The following PHLPP2 variants were observed in gnomAD, a reference collection of about 807,000 sequenced individuals.
PHLPP2 encodes PH domain and leucine rich repeat protein phosphatase 2.
PHLPP2 carries 66 observed loss-of-function variants against 124.9 expected under a neutral mutation model. The observed-to-expected ratio is 0.53, with a 90% CI of 0.43 to 0.65. The LOEUF is 0.65. Among genes scored for constraint, PHLPP2 ranks in the 30% least tolerant of loss-of-function variants. PHLPP2 has a pLI of 0.00. For synonymous variants in PHLPP2, 681 were observed against 624.7 expected, an observed-to-expected ratio of 1.09 and a Z score of -1.34; for missense variants, 1,685 against 1,600.4, an observed-to-expected ratio of 1.05 and a Z score of -0.90.
At position 71,649,099 on chromosome 16, in the gene PHLPP2, T is replaced by C. The variant is rs775971790; in HGVS notation, c.3763A>G (p.Ile1255Val). 1 of 1,614,118 alleles carries C rather than the reference T, an allele frequency of 6.2e-7. No individual in the cohort carries two copies. Among genetic ancestry groups the C allele is most frequent in the Non-Finnish European group, 8.5e-7 (1 of 1,179,988 alleles). The change falls in exon 19 of 19, where the codon ATT becomes GTT. Residue 1255 changes from isoleucine to valine, a missense_variant. Transcript: ENST00000568954. ...IVPLEDSLNL[I>V]EVATEVPKRK... ...TTGGGCACTTCTGTGGCCACTTCAA[T>C]GAGGTTCAGGCTGTCCTCTAGGGGC... is the stretch of plus-strand genomic sequence containing the variant.
rs2044662189 is a variant in PHLPP2, at chr16:71,647,565, CAG to C, written c.*1323_*1324del. 6.6e-6 allele frequency: 1 copy of C among 152,274 alleles called. No homozygotes were observed. The highest frequency in any genetic ancestry group is 1.5e-5 in the Non-Finnish European group (1 of 68,084). 9.4% of individuals were successfully genotyped at this position (152,274 alleles called of 1,614,324 possible). On this transcript the variant is annotated 3_prime_UTR_variant, in exon 19 of 19. Transcript: ENST00000568954. ...TGTTCTCATTGGCCTCAGTCCGTTTCAGAGTCATCTGCCATAACTTAAGGTCA... is the reference window on the plus strand; with the variant it reads ...TGTTCTCATTGGCCTCAGTCCGTTTCAGTCATCTGCCATAACTTAAGGTCA...
Position 71,669,466 on chromosome 16 carries a change from C to T in PHLPP2, c.1533-96G>A, listed in dbSNP as rs557482897. 3 of 858,960 alleles carry T rather than the reference C, an allele frequency of 3.5e-6. No individual in the cohort carries two copies. In the South Asian group the frequency reaches 4.5e-5, roughly 13 times the overall value. 53.2% of individuals were successfully genotyped at this position (858,960 alleles called of 1,614,324 possible). On this transcript the variant is annotated intron_variant, in intron 10 of 18. Transcript: ENST00000568954. ...GTATCCATTAACCAGCCTGTGAGCC[C>T]TTGAGGGCAGGAACACTGTCTCCAA... is the stretch of plus-strand genomic sequence containing the variant.
At chr16:71,674,839 A>C (rs556906587) in intron 9 of PHLPP2, among the ~76,000 whole-genome samples, 3 of 152,172 alleles carry the variant, frequency 2.0e-5, no homozygotes, top group Non-Finnish European at 4.4e-5. Context: ...TCTACTAAAA[A>C]TACAAAAATT....
In PHLPP2 at chr16:71,654,219, A is replaced by AC. The variant is rs1187577298; in HGVS notation, c.2585+1020_2585+1021insG. 4.0e-5 allele frequency among the ~76,000 whole-genome samples: 6 copies of AC among 150,424 alleles called. No homozygotes were observed. In the East Asian group the frequency reaches 7.8e-4, roughly 19 times the overall value. On this transcript the variant is annotated intron_variant, in intron 17 of 18. Transcript: ENST00000568954. Reference sequence around the variant, plus strand: ...TCTCAAAAAAGAAAAAAAAAAAAAAAAAAAAAAAACTAGTTCAAGCTCCAA... The same window carrying AC: ...TCTCAAAAAAGAAAAAAAAAAAAAAACAAAAAAAAACTAGTTCAAGCTCCAA...
intron 12 of PHLPP2, among the ~76,000 whole-genome samples, chr16:71,666,445 C>A (rs1203007801): frequency 6.6e-6 from 1 of 152,058 alleles, no homozygotes; most frequent in Non-Finnish European, 1.5e-5. Context: ...CCCAGGAGGT[C>A]AAGGCTGCAG....
chr16:71,685,133 C>A (rs1014620432), intron 4 of PHLPP2, among the ~76,000 whole-genome samples: 2 of 152,150 alleles, frequency 1.3e-5, no homozygotes, highest in Admixed American at 6.5e-5. Context: ...CGAGACGAGC[C>A]TGATCAACAT....
chr16:71,656,877 G>T (rs533245716), intron 15 of PHLPP2, among the ~76,000 whole-genome samples, 196 bp from the exon 16 acceptor site: 32 of 151,714 alleles, frequency 2.1e-4, no homozygotes, highest in South Asian at 8.3e-4. Flanking sequence ...AGCCTCCTAA[G>T]CAGCTGAGAT....
chr16:71,715,816 A>G (rs1336574639), intron 1 of PHLPP2, among the ~76,000 whole-genome samples: 1 of 124,998 alleles, frequency 8.0e-6, no homozygotes, highest in African/African-American at 3.3e-5. Flanking sequence ...CATCTCCACT[A>G]AAAATACAAA....
rs1365627857 is a variant in PHLPP2 at position 71,714,676 on chromosome 16, A to T, written c.120T>A (p.Thr40=). 1.9e-6 allele frequency: 3 copies of T among 1,613,424 alleles called. No homozygotes were observed. In the Admixed American group the frequency reaches 5.0e-5, roughly 27 times the overall value. Residue 40 remains threonine (T), a synonymous_variant, in exon 2 of 19, where the codon ACT becomes ACA. Coordinates refer to ENST00000568954, the MANE Select transcript of PHLPP2 (RefSeq NM_015020.3). The part of the protein sequence containing the change: ...RGCVYLYGAD[T]TTATTTTTTS... ...TGGTGGTGGTTGTAGTGGCAGTGGT[A>T]GTGTCTGCTCCATAAAGGTAAACAC... is the stretch of plus-strand genomic sequence containing the variant.
chr16:71,652,696 C>A, intron 18 of PHLPP2, 94 bp downstream of exon 18: 1 of 846,370 alleles, frequency 1.2e-6, no homozygotes, highest in Non-Finnish European at 2.0e-6. Context: ...ATTTACAGGG[C>A]ATGATAGGAA....
At chr16:71,654,760 T>A (rs939199931) in intron 17 of PHLPP2, among the ~76,000 whole-genome samples, 1 of 152,240 alleles carries the variant, frequency 6.6e-6, no homozygotes, top group Admixed American at 6.5e-5. Flanking sequence ...AACCCTATTC[T>A]AAGTTGAGGA....
intron 4 of PHLPP2, among the ~76,000 whole-genome samples, chr16:71,687,245 G>T (rs1364872042): frequency 6.6e-6 from 1 of 152,104 alleles, no homozygotes; most frequent in Admixed American, 6.5e-5. Context: ...CTTTGGCCCA[G>T]TTTTTTAATG....
chr16:71,711,331 CAAA>C (rs1052531663), intron 2 of PHLPP2, among the ~76,000 whole-genome samples: 2 of 106,746 alleles, frequency 1.9e-5, no homozygotes. Flanking sequence ...AACTCCGTCT[CAAA>C]AAAAAAAAAA....
At chr16:71,674,565 G>C (rs1567617977) in intron 9 of PHLPP2, among the ~76,000 whole-genome samples, 1 of 149,704 alleles carries the variant, frequency 6.7e-6, no homozygotes, top group Non-Finnish European at 1.5e-5. Context: ...ATTTAATTAT[G>C]CACTTTTCCT....
intron 13 of PHLPP2, among the ~76,000 whole-genome samples, chr16:71,663,599 A>G (rs2044812884): frequency 1.3e-5 from 2 of 152,260 alleles, no homozygotes; most frequent in Non-Finnish European, 2.9e-5. Context: ...GACAAGAGAA[A>G]AGAAAAAATT....
rs989353212 is a variant in PHLPP2, at chr16:71,645,543, AGGTGAGCCTGTGGCTTCCAAGT to A, written c.*3325_*3346del. Reference sequence around the variant, plus strand: ...TTAATAATTATTGGATAGATAGAGAAGGTGAGCCTGTGGCTTCCAAGTACCGGCTTTTGCTGAAGGTCTACAT... The same window carrying A: ...TTAATAATTATTGGATAGATAGAGAAACCGGCTTTTGCTGAAGGTCTACAT... On this transcript the variant is annotated 3_prime_UTR_variant, in exon 19 of 19. Transcript: ENST00000568954. 6.5e-6 allele frequency: 1 copy of A among 152,684 alleles called. No individual in the cohort carries two copies. Among genetic ancestry groups the A allele is most frequent in the African/African-American group, 2.4e-5 (1 of 41,458 alleles). 9.5% of individuals were successfully genotyped at this position (152,684 alleles called of 1,614,324 possible).
intron 5 of PHLPP2, among the ~76,000 whole-genome samples, chr16:71,683,221 T>C (rs1252375344): frequency 2.6e-5 from 4 of 151,970 alleles, no homozygotes; most frequent in African/African-American, 4.8e-5. Context: ...CATGTCCTTA[T>C]ACTATAACAA....
At chr16:71,697,251 G>A (rs2045181894) in intron 3 of PHLPP2, among the ~76,000 whole-genome samples, 1 of 151,732 alleles carries the variant, frequency 6.6e-6, no homozygotes, top group African/African-American at 2.4e-5. Context: ...TTCCACACTT[G>A]ACTTCAATTA....
rs1305288825 is a variant in PHLPP2, at chr16:71,646,638, CTAAG to C, written c.*2248_*2251del. 1.3e-5 allele frequency: 2 copies of C among 152,044 alleles called. No homozygotes were observed. Among genetic ancestry groups the C allele is most frequent in the African/African-American group, 4.8e-5 (2 of 41,400 alleles). The allele number at this position is 152,044 out of a possible 1,614,324, so 9.4% of individuals were successfully genotyped here. ...TTCTACAACCCGAAGGTTCTGCCATCTAAGTAAGATGTTTTACATCACTCATCAC... is the reference window on the plus strand; with the variant it reads ...TTCTACAACCCGAAGGTTCTGCCATCTAAGATGTTTTACATCACTCATCAC... On this transcript the variant is annotated 3_prime_UTR_variant, in exon 19 of 19. Coordinates refer to ENST00000568954, the MANE Select transcript of PHLPP2 (RefSeq NM_015020.3).
Sources: gnomAD v4.1 joint callset for allele counts (sites outside exome capture counted in the v4.1 genomes callset) on GRCh38, gnomAD v4.1.1 for gene constraint, MANE v1.5 for transcripts, NCBI Gene and HGNC (gene_info 2026-07-23, HGNC 2026-07-21) for gene names.